The following PCSK5 variants were observed in gnomAD, a reference collection of about 807,000 sequenced individuals.
The protein encoded by PCSK5 is proprotein convertase subtilisin/kexin type 5, also known as prohormone convertase 5.
PCSK5 carries 129 observed loss-of-function variants against 233.2 expected under a neutral mutation model. The observed-to-expected ratio is 0.55, with a 90% CI of 0.48 to 0.64. The LOEUF is 0.64. PCSK5 is among the 30% of genes least tolerant of loss of function. The pLI is 0.00. For missense variants in PCSK5, 2,076 were observed against 2,430.1 expected (o/e 0.85, Z 3.06); for synonymous variants, 825 against 879.2 (o/e 0.94, Z 1.09).
At chr9:75,973,661 AC>A (rs1328613764) in intron 2 of PCSK5, among the ~76,000 whole-genome samples, 1 of 151,968 alleles carries the variant, frequency 6.6e-6, no homozygotes, top group Non-Finnish European at 1.5e-5. Context: ...ACTTTTCTTC[AC>A]TCTGATACTG....
At position 76,096,102 on chromosome 9, in the gene PCSK5, C is replaced by A; in HGVS notation, c.1107C>A (p.Ile369=). 6.2e-7 allele frequency: 1 copy of A among 1,607,868 alleles called. No homozygotes were observed. The highest frequency in any genetic ancestry group is 8.5e-7 in the Non-Finnish European group (1 of 1,174,750). ...GCGGGGAGTCCTACGATAAGAAAATCGTACGTGACATGTGCATGCCCATCA... is the reference window on the plus strand; with the variant it reads ...GCGGGGAGTCCTACGATAAGAAAATAGTACGTGACATGTGCATGCCCATCA... ...YSSGESYDKK[I]ITTDLRQRCT... The change falls in exon 8 of 38, where the codon ATC becomes ATA. Residue 369 remains isoleucine (I), a splice_region_variant and synonymous_variant. Transcript: ENST00000674117.
intron 10 of PCSK5, among the ~76,000 whole-genome samples, chr9:76,150,129 C>G (rs1823607114): frequency 6.6e-6 from 1 of 152,130 alleles, no homozygotes; most frequent in South Asian, 2.1e-4. Flanking sequence ...ACTCCATTTC[C>G]TTAGTCTGTA....
rs530421033 is a variant in PCSK5, at chr9:76,320,110, C to A, written c.3885-1312C>A. On this transcript the variant is annotated intron_variant, in intron 30 of 37. Coordinates refer to ENST00000674117, the MANE Select transcript of PCSK5 (RefSeq NM_001372043.1). ...CCGCATCTTGATGGTAGTGGTCCCC[C>A]GAGCCCAGCTGTTTTCTCTTTATCT... 4.6e-5 allele frequency among the ~76,000 whole-genome samples: 7 copies of A among 152,162 alleles called. 1 individual carries two copies. In the South Asian group the frequency reaches 1.5e-3, roughly 32 times the overall value.
chr9:76,245,804 T>G (rs956025248), intron 24 of PCSK5, among the ~76,000 whole-genome samples: 4 of 152,160 alleles, frequency 2.6e-5, no homozygotes, highest in Admixed American at 1.3e-4. Flanking sequence ...ATTAAGAAGT[T>G]AATTTGGTTA....
chr9:76,246,766 G>A lies in PCSK5; in HGVS notation c.3142+6082G>A, dbSNP rs574704529. The stretch of plus-strand genomic sequence containing the variant: ...GCTACCAAAAGAGCAAAGACGATCC[G>A]TATGAACTGATGGTGATTTCATGAC... On this transcript the variant is annotated intron_variant, in intron 24 of 37. Coordinates refer to ENST00000674117, the MANE Select transcript of PCSK5 (RefSeq NM_001372043.1). 1.6e-3 allele frequency among the ~76,000 whole-genome samples: 240 copies of A among 152,324 alleles called. 2 individuals carry two copies. The highest frequency in any genetic ancestry group is 5.8e-3 in the Admixed American group (89 of 15,306).
At chr9:76,211,932 G>C (rs1476310533) in intron 20 of PCSK5, among the ~76,000 whole-genome samples, 1 of 152,136 alleles carries the variant, frequency 6.6e-6, no homozygotes, top group Non-Finnish European at 1.5e-5. Flanking sequence ...CCCGCCATGA[G>C]CATTCACCCC....
intron 35 of PCSK5, among the ~76,000 whole-genome samples, chr9:76,350,187 C>G (rs886492091): frequency 3.3e-5 from 5 of 151,864 alleles, no homozygotes; most frequent in African/African-American, 1.2e-4. Context: ...TTGACCATCA[C>G]TATGTAACCC....
intron 20 of PCSK5, among the ~76,000 whole-genome samples, chr9:76,192,826 TTG>T (rs1351896873): frequency 6.6e-6 from 1 of 152,206 alleles, no homozygotes; most frequent in Admixed American, 6.5e-5. Flanking sequence ...ATCTTTTCCT[TTG>T]TGTTACTTAA....
chr9:76,215,151 T>C (rs969159289), intron 20 of PCSK5, among the ~76,000 whole-genome samples: 1 of 152,178 alleles, frequency 6.6e-6, no homozygotes, highest in African/African-American at 2.4e-5. Context: ...CCCTGCCCAT[T>C]TTGGCAAACT....
intron 7 of PCSK5, among the ~76,000 whole-genome samples, 183 bp downstream of exon 7, chr9:76,072,081 T>G (rs1164989047): frequency 6.6e-6 from 1 of 152,232 alleles, no homozygotes; most frequent in African/African-American, 2.4e-5. Flanking sequence ...GTTCTGCCAG[T>G]GAACTAAGAG....
At chr9:76,280,196 G>A (rs12338546) in intron 24 of PCSK5, among the ~76,000 whole-genome samples, 19,533 of 151,842 alleles carry the variant, frequency 0.13, 1,720 homozygotes, top group African/African-American at 0.26. Context: ...ATTGTTTTGG[G>A]GCACCATGAA....
chr9:76,160,518 C>T (rs1168607349), intron 12 of PCSK5, among the ~76,000 whole-genome samples: 3 of 152,064 alleles, frequency 2.0e-5, no homozygotes, highest in Non-Finnish European at 4.4e-5. Context: ...GAAAGTCAAC[C>T]TTTTATATAG....
chr9:76,177,915 GC>G (rs973676014), intron 14 of PCSK5, among the ~76,000 whole-genome samples: 9 of 151,502 alleles, frequency 5.9e-5, no homozygotes, highest in African/African-American at 2.2e-4. Context: ...TACAGTGAGA[GC>G]CCTTTTGGCA....
chr9:76,198,426 GATTT>G (rs1824783407), intron 20 of PCSK5, among the ~76,000 whole-genome samples: 1 of 152,048 alleles, frequency 6.6e-6, no homozygotes. Context: ...TACTAAAATG[GATTT>G]ATTTAATTTG....
At position 76,338,348 on chromosome 9, in the gene PCSK5, T is replaced by C. The variant is rs1457822354; in HGVS notation, c.4867T>C (p.Ser1623Pro). The C allele has an allele frequency of 1.2e-6, 2 of 1,612,702 alleles. No individual in the cohort carries two copies. The highest frequency in any genetic ancestry group is 1.7e-6 in the Non-Finnish European group (2 of 1,179,794). The change falls in exon 35 of 38, where the codon TCC becomes CCC. Residue 1623 changes from serine (S) to proline (P), a missense_variant. Transcript: ENST00000674117. ...SCDRFFFLLR[S>P]KGECHRSCPD... ...CGATAGATTTTTCTTTCTGCTCCGCTCCAAAGGAGAGTGTCATCGCTCCTG... is the reference window on the plus strand; with the variant it reads ...CGATAGATTTTTCTTTCTGCTCCGCCCCAAAGGAGAGTGTCATCGCTCCTG...
chr9:76,229,299 G>T (rs944384644), intron 21 of PCSK5, among the ~76,000 whole-genome samples: 1 of 152,288 alleles, frequency 6.6e-6, no homozygotes, highest in East Asian at 1.9e-4. Flanking sequence ...TGAACTAGGG[G>T]AATATTTTAA....
In PCSK5 at chr9:76,240,629, C is replaced by A. The variant is rs747499638; in HGVS notation, c.3087C>A (p.Asp1029Glu). Reference sequence around the variant, plus strand: ...CTGTCTGTGTAGGTGAAGTCCAAGACCCAGACTATGAAGAATGTGTCCCTT... The same window carrying A: ...CTGTCTGTGTAGGTGAAGTCCAAGAACCAGACTATGAAGAATGTGTCCCTT... ...KLECGQGEVQ[D>E]PDYEECVPCE... Residue 1029 changes from aspartate to glutamate, a missense_variant, in exon 24 of 38, where the codon GAC (aspartate) becomes GAA (glutamate). By Grantham distance (45) the Asp-to-Glu change is conservative. Coordinates refer to ENST00000674117, the MANE Select transcript of PCSK5 (RefSeq NM_001372043.1). 5 of 1,575,762 alleles carry A rather than the reference C, an allele frequency of 3.2e-6. No homozygotes were observed. The African/African-American group carries it at 6.7e-5, about 21-fold the overall frequency.
Position 76,097,251 on chromosome 9 carries a change from T to TTTTTC in PCSK5, c.1107+1153_1107+1154insCTTTT, listed in dbSNP as rs1554686407. Among the ~76,000 whole-genome samples, 3 of 116,390 alleles carry TTTTTC rather than the reference T, an allele frequency of 2.6e-5. No homozygotes were observed. In the East Asian group the frequency reaches 7.4e-4, roughly 29 times the overall value. The allele number at this position is 116,390 out of a possible 152,430, so 76.4% of individuals were successfully genotyped here. A position where few individuals can be genotyped will look rare whatever the true frequency, so the allele number is the denominator to read the frequency against. The stretch of plus-strand genomic sequence containing the variant: ...CCCAGCCAAAAAGTGCATTTCTTTT[T>TTTTTC]TTTTTTTTTTTTTTTTTTTGAGACG... On this transcript the variant is annotated intron_variant, in intron 8 of 37. Coordinates refer to ENST00000674117, the MANE Select transcript of PCSK5 (RefSeq NM_001372043.1).
chr9:76,344,248 C>T (rs1829916696), intron 35 of PCSK5, among the ~76,000 whole-genome samples: 1 of 152,122 alleles, frequency 6.6e-6, no homozygotes, highest in South Asian at 2.1e-4. Context: ...GAGGCTGAAT[C>T]CTATTAGGTA....
Sources: gnomAD v4.1 joint callset for allele counts (sites outside exome capture counted in the v4.1 genomes callset) on GRCh38, gnomAD v4.1.1 for gene constraint, MANE v1.5 for transcripts, NCBI Gene and HGNC (gene_info 2026-07-23, HGNC 2026-07-21) for gene names.